Variants in CHODL observed in about 807,000 individuals in gnomAD.
CHODL encodes chondrolectin, also known as transmembrane protein MT75.
CHODL carries 29 observed loss-of-function variants against 34.5 expected under a neutral mutation model. That is an observed-to-expected ratio of 0.84 (90% confidence interval 0.63 to 1.15). The LOEUF (loss-of-function observed/expected upper bound fraction) is 1.15. Ranked by LOEUF, CHODL falls within the 50% of genes most tolerant of loss-of-function variation. The pLI, the probability that CHODL is intolerant of heterozygous loss-of-function variation, is 0.00. For missense variants in CHODL, 332 were observed against 332.5 expected (o/e 1.00, Z 0.01); for synonymous variants, 125 against 116.1 (o/e 1.08, Z -0.49).
chr21:17,990,040 T>G (rs941123068), intron 1 of CHODL, among the ~76,000 whole-genome samples: 5 of 152,090 alleles, frequency 3.3e-5, no homozygotes, highest in African/African-American at 4.8e-5. Flanking sequence ...CTGAGAAGAA[T>G]AATAATCAGT....
intron 1 of CHODL, among the ~76,000 whole-genome samples, chr21:17,957,143 A>G (rs1256585875): frequency 6.6e-6 from 1 of 152,144 alleles, no homozygotes; most frequent in African/African-American, 2.4e-5. Flanking sequence ...CTTATTCACT[A>G]ACTCTATCTA....
chr21:18,240,082 A>C (rs546343992), upstream of CHODL, among the ~76,000 whole-genome samples: 1 of 152,160 alleles, frequency 6.6e-6, no homozygotes, highest in East Asian at 1.9e-4. Flanking sequence ...ATGAAGCCCT[A>C]TTTTTAACAT....
At chr21:18,195,516 A>G (rs2073576656) in intron 2 of CHODL, among the ~76,000 whole-genome samples, 1 of 152,074 alleles carries the variant, frequency 6.6e-6, no homozygotes, top group Non-Finnish European at 1.5e-5. Flanking sequence ...TGCTTCTATG[A>G]GTTCAGCTTT....
rs74430573 is a variant in CHODL, at chr21:18,180,146, A to G, written c.-44-76363A>G. On this transcript the variant is annotated intron_variant, in intron 2 of 6. Transcript: ENST00000400127. ...TTAACTTCTATTATTAGTATTGGTAACATCCTTTTTGTTTGTTTGTTTTTG... is the reference window on the plus strand; with the variant it reads ...TTAACTTCTATTATTAGTATTGGTAGCATCCTTTTTGTTTGTTTGTTTTTG... Among the ~76,000 whole-genome samples the G allele has an allele frequency of 4.9e-4, 75 of 152,278 alleles. 1 individual carries two copies. In the East Asian group the frequency reaches 0.014, roughly 28 times the overall value.
intron 2 of CHODL, among the ~76,000 whole-genome samples, chr21:18,164,196 G>A (rs1302182376): frequency 1.3e-5 from 2 of 152,176 alleles, no homozygotes; most frequent in Non-Finnish European, 2.9e-5. Flanking sequence ...CCAAACAAAA[G>A]GGCTTGCACC....
At chr21:18,112,236 G>A (rs1040952727) in intron 2 of CHODL, among the ~76,000 whole-genome samples, 3 of 151,896 alleles carry the variant, frequency 2.0e-5, no homozygotes, top group African/African-American at 4.8e-5. Context: ...AAAAAGTGAT[G>A]TCTAACACTG....
chr21:18,119,952 A>G (rs1310133135), intron 2 of CHODL, among the ~76,000 whole-genome samples: 2 of 152,128 alleles, frequency 1.3e-5, no homozygotes, highest in African/African-American at 4.8e-5. Context: ...ATTACTATAG[A>G]TAATGCCTAA....
At chr21:17,960,035 G>T (rs1182613300) in intron 1 of CHODL, among the ~76,000 whole-genome samples, 1 of 152,088 alleles carries the variant, frequency 6.6e-6, no homozygotes, top group African/African-American at 2.4e-5. Context: ...ATGAAGAGTT[G>T]ACAGAGAAGC....
intron 1 of CHODL, among the ~76,000 whole-genome samples, chr21:17,923,859 A>G (rs187682933): frequency 3.9e-5 from 6 of 152,342 alleles, no homozygotes; most frequent in African/African-American, 1.4e-4. Flanking sequence ...CTCATGTGGA[A>G]CTAGAAAGAT....
chr21:18,150,023 G>A (rs2072944750), intron 2 of CHODL, among the ~76,000 whole-genome samples: 1 of 152,164 alleles, frequency 6.6e-6, no homozygotes, highest in South Asian at 2.1e-4. Context: ...AGGGAGATAT[G>A]AGATTTCAAT....
At chr21:18,232,479 G>A (rs1304579127) in intron 2 of CHODL, among the ~76,000 whole-genome samples, 1 of 152,006 alleles carries the variant, frequency 6.6e-6, no homozygotes, top group Non-Finnish European at 1.5e-5. Flanking sequence ...TGGAAGGAAT[G>A]AACAAATGCC....
chr21:18,251,689 A>ATTTTTTTATTTT lies in CHODL; in HGVS notation c.80-4820_80-4819insTTTTTTTATTTT, dbSNP rs2074254837. ...ATTTATTTATTTTAATATATAAAAT[A>ATTTTTTTATTTT]AATATTTTATTTATTTATTTTAATA... On this transcript the variant is annotated intron_variant, in intron 1 of 5. Transcript: ENST00000299295. Among the ~76,000 whole-genome samples the ATTTTTTTATTTT allele has an allele frequency of 2.3e-4, 30 of 130,488 alleles. 2 individuals are homozygous for ATTTTTTTATTTT. Among genetic ancestry groups the ATTTTTTTATTTT allele is most frequent in the African/African-American group, 9.8e-4 (29 of 29,690 alleles). The allele number at this position is 130,488 out of a possible 152,430, so 85.6% of individuals were successfully genotyped here. A position where few individuals can be genotyped will look rare whatever the true frequency, so the allele number is the denominator to read the frequency against.
At chr21:17,987,206 G>A (rs1346906661) in intron 1 of CHODL, among the ~76,000 whole-genome samples, 1 of 152,044 alleles carries the variant, frequency 6.6e-6, no homozygotes, top group Non-Finnish European at 1.5e-5. Context: ...GCCAACAGGA[G>A]GCAGGGTTAT....
intron 2 of CHODL, among the ~76,000 whole-genome samples, chr21:18,146,019 A>T (rs1222713724): frequency 6.6e-6 from 1 of 151,982 alleles, no homozygotes; most frequent in Non-Finnish European, 1.5e-5. Flanking sequence ...CCCAGGCTGG[A>T]GTGCAGTGGA....
At chr21:18,216,113 CCTTT>C (rs1333836819) in intron 2 of CHODL, among the ~76,000 whole-genome samples, 6 of 151,526 alleles carry the variant, frequency 4.0e-5, no homozygotes, top group African/African-American at 1.5e-4. Flanking sequence ...TTATTTCCTT[CCTTT>C]CTTTCTTGTT....
chr21:18,118,930 G>C (rs1046595291), intron 2 of CHODL, among the ~76,000 whole-genome samples: 2 of 152,022 alleles, frequency 1.3e-5, no homozygotes, highest in African/African-American at 4.8e-5. Flanking sequence ...CCATCTCCTA[G>C]TTCTCCAAGC....
At chr21:18,012,364 C>G (rs2064027315) in intron 1 of CHODL, among the ~76,000 whole-genome samples, 1 of 152,146 alleles carries the variant, frequency 6.6e-6, no homozygotes, top group South Asian at 2.1e-4. Context: ...TAGATTATTG[C>G]AAGAGCCTCT....
intron 2 of CHODL, among the ~76,000 whole-genome samples, chr21:18,169,415 G>GT (rs2073199159): frequency 6.7e-6 from 1 of 150,100 alleles, no homozygotes; most frequent in African/African-American, 2.4e-5. Flanking sequence ...TCTAGCTAAA[G>GT]TTTTGCCATT....
intron 2 of CHODL, among the ~76,000 whole-genome samples, chr21:18,086,768 AGAGCAGCAACCACTAACACACT>A (rs2065012583): frequency 6.6e-6 from 1 of 152,208 alleles, no homozygotes; most frequent in Non-Finnish European, 1.5e-5. Context: ...TTTCGGCCCC[AGAGCAGCAACCACTAACACACT>A]GGCTCTGGTG....
Sources: allele counts gnomAD v4.1 joint callset (sites outside exome capture counted in the v4.1 genomes callset), GRCh38; gene constraint gnomAD v4.1.1; transcripts MANE v1.5; gene names NCBI Gene and HGNC (gene_info 2026-07-23, HGNC 2026-07-21).